Variants in TXNDC16 observed in about 807,000 individuals in gnomAD.
TXNDC16 encodes thioredoxin domain-containing protein 16.
A neutral mutation model predicts 85.6 loss-of-function variants in TXNDC16; 74 were observed. The observed-to-expected ratio is 0.86, with a 90% CI of 0.72 to 1.05. The LOEUF (loss-of-function observed/expected upper bound fraction) is 1.05, where lower values mean the gene tolerates loss of function less well. TXNDC16 is among the 50% of genes least tolerant of loss of function. TXNDC16 has a pLI of 0.00. For synonymous variants in TXNDC16, 335 were observed against 326.5 expected, an observed-to-expected ratio of 1.03 and a Z score of -0.28; for missense variants, 959 against 947.0, an observed-to-expected ratio of 1.01 and a Z score of -0.17.
rs186458998 is a variant in TXNDC16, at chr14:52,443,754, T to C, written c.1843-3030A>G. Among the ~76,000 whole-genome samples the C allele has an allele frequency of 5.9e-5, 9 of 152,280 alleles. No homozygotes were observed. The East Asian group carries it at 1.7e-3, about 29-fold the overall frequency. ...TTCTGTATCAGATTGGTGACACAGTTAGGCCTGTTTTTCAAAAGATGACTA... is the reference window on the plus strand; with the variant it reads ...TTCTGTATCAGATTGGTGACACAGTCAGGCCTGTTTTTCAAAAGATGACTA... On this transcript the variant is annotated intron_variant, in intron 18 of 20. Coordinates refer to ENST00000281741, the MANE Select transcript of TXNDC16 (RefSeq NM_020784.3).
chr14:52,458,850 C>A (rs190355792), intron 16 of TXNDC16, among the ~76,000 whole-genome samples: 14 of 152,284 alleles, frequency 9.2e-5, no homozygotes, highest in African/African-American at 3.4e-4. Context: ...ATGAATATGT[C>A]TCTTAAAAAG....
intron 6 of TXNDC16, among the ~76,000 whole-genome samples, chr14:52,527,921 G>C (rs1239245354): frequency 6.7e-6 from 1 of 149,644 alleles, no homozygotes; most frequent in African/African-American, 2.5e-5. Context: ...AAATCAATCT[G>C]AGAAAATTTT....
chr14:52,502,478 G>A lies in TXNDC16; in HGVS notation c.756+8762C>T, dbSNP rs76710490. 9.2e-3 allele frequency among the ~76,000 whole-genome samples: 1,401 copies of A among 152,324 alleles called. 19 individuals are homozygous for A. Among genetic ancestry groups the A allele is most frequent in the African/African-American group, 0.032 (1,341 of 41,580 alleles). On this transcript the variant is annotated intron_variant, in intron 9 of 20. Coordinates refer to ENST00000281741, the MANE Select transcript of TXNDC16 (RefSeq NM_020784.3). ...TGTTCCTACAGAATACAATATAAATGATGCCCTTAATTTTTTGCCATGTTA... is the reference window on the plus strand; with the variant it reads ...TGTTCCTACAGAATACAATATAAATAATGCCCTTAATTTTTTGCCATGTTA...
At position 52,542,421 on chromosome 14, in the gene TXNDC16, G is replaced by C. The variant is rs1311455740; in HGVS notation, c.193C>G (p.Leu65Val). The C allele has an allele frequency of 1.9e-6, 3 of 1,612,612 alleles. No homozygotes were observed. The Admixed American group carries it at 5.0e-5, about 27-fold the overall frequency. Reference sequence around the variant, plus strand: ...TGCAGAGGTCTAACAGCCTCATTCAGTTCTTCAAGAAATACAGATGTTCTT... The same window carrying C: ...TGCAGAGGTCTAACAGCCTCATTCACTTCTTCAAGAAATACAGATGTTCTT... ...SPRTSVFLEE[L>V]NEAVRPLQDY... Residue 65 changes from leucine (L) to valine (V), a missense_variant, in exon 4 of 21, where the codon CTG becomes GTG. Transcript: ENST00000281741.
At chr14:52,498,274 C>T (rs1216209055) in intron 9 of TXNDC16, among the ~76,000 whole-genome samples, 4 of 152,072 alleles carry the variant, frequency 2.6e-5, no homozygotes, top group Non-Finnish European at 5.9e-5. Flanking sequence ...TTTTATTCAA[C>T]ATAGAACTGA....
intron 1 of TXNDC16, among the ~76,000 whole-genome samples, chr14:52,550,565 C>A (rs567738154): frequency 6.6e-6 from 1 of 152,348 alleles, no homozygotes; most frequent in Admixed American, 6.5e-5. Flanking sequence ...CTTGCTCTTA[C>A]TGACACATGG....
chr14:52,494,957 T>C (rs1189983394), intron 9 of TXNDC16, among the ~76,000 whole-genome samples: 2 of 152,182 alleles, frequency 1.3e-5, no homozygotes, highest in African/African-American at 4.8e-5. Context: ...ATACATCTAA[T>C]TAACAGTTAG....
At chr14:52,541,062 C>G (rs1316231090) in intron 4 of TXNDC16, among the ~76,000 whole-genome samples, 1 of 152,036 alleles carries the variant, frequency 6.6e-6, no homozygotes, top group Non-Finnish European at 1.5e-5. Flanking sequence ...ACGGTGAAAC[C>G]CCATCTCTAC....
chr14:52,465,685 G>A (rs562065171), intron 16 of TXNDC16, among the ~76,000 whole-genome samples: 18 of 151,180 alleles, frequency 1.2e-4, no homozygotes, highest in East Asian at 3.9e-4. Flanking sequence ...AAATACTATC[G>A]GTCAGAAAAA....
At chr14:52,468,876 C>CAA (rs914696845) in intron 16 of TXNDC16, among the ~76,000 whole-genome samples, 1 of 129,536 alleles carries the variant, frequency 7.7e-6, no homozygotes, top group African/African-American at 2.8e-5. Context: ...GACCCTGTCT[C>CAA]AAAAAAAAAA....
chr14:52,467,513 G>A (rs549798258), intron 16 of TXNDC16, among the ~76,000 whole-genome samples: 19 of 152,064 alleles, frequency 1.2e-4, no homozygotes, highest in African/African-American at 2.9e-4. Context: ...ATCACTAATC[G>A]TCTGGGAAAT....
intron 9 of TXNDC16, among the ~76,000 whole-genome samples, chr14:52,497,810 G>C (rs971364124): frequency 2.0e-5 from 3 of 151,034 alleles, no homozygotes; most frequent in Admixed American, 6.6e-5. Flanking sequence ...GAACCCAGGA[G>C]GCAGAGGTTG....
intron 14 of TXNDC16, among the ~76,000 whole-genome samples, chr14:52,471,292 AT>A (rs2035901325): frequency 6.6e-6 from 1 of 152,082 alleles, no homozygotes; most frequent in South Asian, 2.1e-4. Flanking sequence ...ATTACTGTCC[AT>A]TTCTCTTTAC....
At chr14:52,545,946 C>CT (rs951671941) in intron 1 of TXNDC16, among the ~76,000 whole-genome samples, 5 of 149,090 alleles carry the variant, frequency 3.4e-5, no homozygotes, top group Admixed American at 1.3e-4. Flanking sequence ...TACTTGGTGA[C>CT]TTTTTTTTTT....
intron 6 of TXNDC16, among the ~76,000 whole-genome samples, chr14:52,535,216 C>T (rs1052846490): frequency 1.3e-5 from 2 of 152,108 alleles, no homozygotes; most frequent in Admixed American, 1.3e-4. Flanking sequence ...ATATCTATTA[C>T]TTGGACTTTT....
rs764200053 is a variant in TXNDC16 at position 52,519,169 on chromosome 14, T to C, written c.514+3A>G. ...AAAGATTAAAGCAAAAGTTAAAGAA[T>C]ACCTGGTATTCCAATGGCTCTTACA... On this transcript the variant is annotated splice_donor_region_variant and intron_variant, in intron 7 of 20. Transcript: ENST00000281741. 2 of 1,607,360 alleles carry C rather than the reference T, an allele frequency of 1.2e-6. No individual in the cohort carries two copies. The highest frequency in any genetic ancestry group is 1.7e-6 in the Non-Finnish European group (2 of 1,177,406).
chr14:52,483,954 G>C lies in TXNDC16; in HGVS notation c.1109-989C>G, dbSNP rs113510108. 3.4e-3 allele frequency among the ~76,000 whole-genome samples: 520 copies of C among 152,244 alleles called. 4 individuals carry two copies. The highest frequency in any genetic ancestry group is 0.012 in the African/African-American group (502 of 41,526). On this transcript the variant is annotated intron_variant, in intron 12 of 20. Coordinates refer to ENST00000281741, the MANE Select transcript of TXNDC16 (RefSeq NM_020784.3). ...AAACTCAGGTAGGCAGAGAAGAAAG[G>C]CAGTGGTGGCATAAAGAGCAAAGAG...
intron 19 of TXNDC16, among the ~76,000 whole-genome samples, chr14:52,439,794 T>C (rs1019714321): frequency 2.0e-5 from 3 of 152,238 alleles, no homozygotes; most frequent in African/African-American, 7.2e-5. Flanking sequence ...TTATAAATAC[T>C]TCTTTTCCAT....
chr14:52,448,115 T>A (rs751497791), intron 18 of TXNDC16, among the ~76,000 whole-genome samples: 2 of 150,716 alleles, frequency 1.3e-5, no homozygotes, highest in Non-Finnish European at 3.0e-5. Flanking sequence ...GAGAAAGAGA[T>A]AGGGATAGAG....
Sources: gnomAD v4.1 joint callset for allele counts (sites outside exome capture counted in the v4.1 genomes callset) on GRCh38, gnomAD v4.1.1 for gene constraint, MANE v1.5 for transcripts, NCBI Gene and HGNC (gene_info 2026-07-23, HGNC 2026-07-21) for gene names.